JUND: variants seen among roughly 807,000 people sequenced by gnomAD.
JUND encodes the protein JunD proto-oncogene, AP-1 transcription factor subunit, also known as transcription factor JunD.
A neutral mutation model predicts 7.1 loss-of-function variants in JUND; 2 were observed. The observed-to-expected ratio is 0.28, with a 90% CI of 0.11 to 0.88. JUND has a LOEUF of 0.88. Among genes scored for constraint, JUND ranks in the 40% least tolerant of loss-of-function variants. The pLI is 0.60. For synonymous variants in JUND, 335 were observed against 263.2 expected (o/e 1.27, Z -2.64); for missense variants, 479 against 519.1 (o/e 0.92, Z 0.75).
chr19:18,281,119 C>T lies in JUND; in HGVS notation c.366G>A (p.Gln122=). 2 of 1,580,304 alleles carry T rather than the reference C, an allele frequency of 1.3e-6. No homozygotes were observed. The highest frequency in any genetic ancestry group is 2.8e-5 in the African/African-American group (2 of 72,020). The part of the protein sequence containing the change: ...GLVTTTPTSS[Q]FLYPKVAASE... The stretch of plus-strand genomic sequence containing the variant: ...TGGCCGCCACCTTGGGGTAGAGGAA[C>T]TGTGAGCTCGTCGGCGTGGTGGTGA... The change falls in exon 1 of 1, where the codon CAG becomes CAA. Residue 122 remains glutamine, a synonymous_variant. Transcript: ENST00000252818.
chr19:18,280,178 G>C lies in JUND; in HGVS notation c.*263C>G. The stretch of plus-strand genomic sequence containing the variant: ...CGCGCGGGTTTGTGCAACACGGGGC[G>C]GCCGCGCGGGGGAAAGAGGCAGCGC... On this transcript the variant is annotated 3_prime_UTR_variant, in exon 1 of 1. Coordinates refer to ENST00000252818, the MANE Select transcript of JUND (RefSeq NM_005354.6). This position sits in a 1 kb window ranked among gnomAD's most constrained non-coding sequence, Gnocchi z 4.1. 1 of 415,592 alleles carries C rather than the reference G, an allele frequency of 2.4e-6. No individual in the cohort carries two copies. The highest frequency in any genetic ancestry group is 4.3e-6 in the Non-Finnish European group (1 of 231,280). The allele number at this position is 415,592 out of a possible 1,614,324, so 25.7% of individuals were successfully genotyped here. A position where few individuals can be genotyped will look rare whatever the true frequency, so the allele number is the denominator to read the frequency against.
At position 18,281,445 on chromosome 19, in the gene JUND, G is replaced by C. The variant is rs760306821; in HGVS notation, c.40C>G (p.Leu14Val). ...PFYGDEALSG[L>V]GGGASGSGGS... ...CCGCTGCCACTGGCGCCGCCGCCCA[G>C]GCCGCTCAGCGCCTCATCGCCGTAG... The change falls in exon 1 of 1, where the codon CTG becomes GTG. Residue 14 changes from leucine to valine, a missense_variant. Leu to Val is a conservative substitution (Grantham distance 32). Coordinates refer to ENST00000252818, the MANE Select transcript of JUND (RefSeq NM_005354.6). 7.3e-7 allele frequency: 1 copy of C among 1,371,264 alleles called. No homozygotes were observed. The allele number at this position is 1,371,264 out of a possible 1,614,324, so 84.9% of individuals were successfully genotyped here.
At position 18,280,308 on chromosome 19, in the gene JUND, C is replaced by CT. The variant is rs1969917503; in HGVS notation, c.*132dup. 2.2e-6 allele frequency: 2 copies of CT among 917,254 alleles called. No individual in the cohort carries two copies. Among genetic ancestry groups the CT allele is most frequent in the South Asian group, 3.5e-5 (2 of 56,526 alleles). The allele number at this position is 917,254 out of a possible 1,614,324, so 56.8% of individuals were successfully genotyped here. A position where few individuals can be genotyped will look rare whatever the true frequency, so the allele number is the denominator to read the frequency against. On this transcript the variant is annotated 3_prime_UTR_variant, in exon 1 of 1. Transcript: ENST00000252818. The surrounding 1 kb of genome is among the most constrained non-coding windows in gnomAD (Gnocchi z 4.1). ...GGAATCCCCGGGGGCCGCGCCCTCT[C>CT]TGAGTTCCTGGGCACACTCGGGGAG...
In JUND at chr19:18,280,278, G is replaced by C. The variant is rs1197172647; in HGVS notation, c.*163C>G. ...TTGTCGAGTCCTGGGCACCCTCGGGGGGGGGGAATCCCCGGGGGCCGCGCC... is the reference window on the plus strand; with the variant it reads ...TTGTCGAGTCCTGGGCACCCTCGGGCGGGGGGAATCCCCGGGGGCCGCGCC... On this transcript the variant is annotated 3_prime_UTR_variant, in exon 1 of 1. Coordinates refer to ENST00000252818, the MANE Select transcript of JUND (RefSeq NM_005354.6). This position sits in a 1 kb window ranked among gnomAD's most constrained non-coding sequence, Gnocchi z 4.1. 1 of 515,666 alleles carries C rather than the reference G, an allele frequency of 1.9e-6. No homozygotes were observed. The highest frequency in any genetic ancestry group is 2.9e-6 in the Non-Finnish European group (1 of 339,696). The allele number at this position is 515,666 out of a possible 1,614,324, so 31.9% of individuals were successfully genotyped here.
At position 18,280,609 on chromosome 19, in the gene JUND, G is replaced by C. The variant is rs751362267; in HGVS notation, c.876C>G (p.Arg292=). Residue 292 remains arginine, a synonymous_variant, in exon 1 of 1, where the codon CGC becomes CGG. Coordinates refer to ENST00000252818, the MANE Select transcript of JUND (RefSeq NM_005354.6). This position sits in a 1 kb window ranked among gnomAD's most constrained non-coding sequence, Gnocchi z 4.1. ...TCACTTTCTCTTCCAGGCGCGAGAT[G>C]CGCTCCAGCTTGCGCTTGCGGCACT... ...ASKCRKRKLE[R]ISRLEEKVKT... The C allele has an allele frequency of 7.4e-6, 12 of 1,612,872 alleles. No homozygotes were observed. The Admixed American group carries it at 1.3e-4, about 18-fold the overall frequency.
chr19:18,281,383 C>T lies in JUND; in HGVS notation c.102G>A (p.Gly34=). The stretch of plus-strand genomic sequence containing the variant: ...TGCCGGCCGCGGCCGTCGGGGGCGC[C>T]CCGGGGAACAAGCGGCCCGGGGACG... ...SFASPGRLFP[G]APPTAAAGSM... The change falls in exon 1 of 1, where the codon GGG becomes GGA. Residue 34 remains glycine (G), a synonymous_variant. Coordinates refer to ENST00000252818, the MANE Select transcript of JUND (RefSeq NM_005354.6). 1.5e-6 allele frequency: 2 copies of T among 1,347,596 alleles called. No homozygotes were observed. Among genetic ancestry groups the T allele is most frequent in the Non-Finnish European group, 1.9e-6 (2 of 1,059,452 alleles). 83.5% of individuals were successfully genotyped at this position (1,347,596 alleles called of 1,614,324 possible). A position where few individuals can be genotyped will look rare whatever the true frequency, so the allele number is the denominator to read the frequency against.
At position 18,281,589 on chromosome 19, in the gene JUND, C is replaced by A. The variant is rs1304694614; in HGVS notation, c.-105G>T. Reference sequence around the variant, plus strand: ...GCCCTGCGCCCGCCCCGGCCGCGGCCGCAGCGCCCGGCCCTCCACTGGCGG... The same window carrying A: ...GCCCTGCGCCCGCCCCGGCCGCGGCAGCAGCGCCCGGCCCTCCACTGGCGG... On this transcript the variant is annotated 5_prime_UTR_variant, in exon 1 of 1. Coordinates refer to ENST00000252818, the MANE Select transcript of JUND (RefSeq NM_005354.6). 2 of 279,186 alleles carry A rather than the reference C, an allele frequency of 7.2e-6. No homozygotes were observed. Among genetic ancestry groups the A allele is most frequent in the Non-Finnish European group, 1.1e-5 (2 of 187,276 alleles). 17.3% of individuals were successfully genotyped at this position (279,186 alleles called of 1,614,324 possible).
chr19:18,281,108 G>T lies in JUND; in HGVS notation c.377C>A (p.Pro126His), dbSNP rs1243956903. The T allele has an allele frequency of 6.3e-7, 1 of 1,581,320 alleles. No individual in the cohort carries two copies. Among genetic ancestry groups the T allele is most frequent in the South Asian group, 1.1e-5 (1 of 87,878 alleles). ...CTGCTCCTCGCTGGCCGCCACCTTG[G>T]GGTAGAGGAACTGTGAGCTCGTCGG... ...TTPTSSQFLY[P>H]KVAASEEQEF... The change falls in exon 1 of 1, where the codon CCC (proline) becomes CAC (histidine). Residue 126 changes from proline to histidine, a missense_variant. Physicochemically the swap from Pro to His is moderately conservative, Grantham distance 77. Coordinates refer to ENST00000252818, the MANE Select transcript of JUND (RefSeq NM_005354.6).
At position 18,279,867 on chromosome 19, in the gene JUND, G is replaced by A. The variant is rs906366997; in HGVS notation, c.*574C>T. The stretch of plus-strand genomic sequence containing the variant: ...AACAAAACAGAACAAAAAAGGGAGG[G>A]GGGACCGGTCGAAAGAACCGAAGGG... On this transcript the variant is annotated 3_prime_UTR_variant, in exon 1 of 1. Transcript: ENST00000252818. 6.5e-6 allele frequency: 1 copy of A among 152,694 alleles called. No individual in the cohort carries two copies. Among genetic ancestry groups the A allele is most frequent in the African/African-American group, 2.4e-5 (1 of 41,066 alleles). 9.5% of individuals were successfully genotyped at this position (152,694 alleles called of 1,614,324 possible). A position where few individuals can be genotyped will look rare whatever the true frequency, so the allele number is the denominator to read the frequency against.
rs1033075586 is a variant in JUND, at chr19:18,280,117, C to G, written c.*324G>C. 3.2e-6 allele frequency: 1 copy of G among 315,182 alleles called. No homozygotes were observed. Among genetic ancestry groups the G allele is most frequent in the Non-Finnish European group, 5.9e-6 (1 of 169,822 alleles). 19.5% of individuals were successfully genotyped at this position (315,182 alleles called of 1,614,324 possible). Reference sequence around the variant, plus strand: ...TTGAGGCTGCGCCCCCTCGGAGCCCCCTTCCGCGGCGCGGTGTACAAAGGG... The same window carrying G: ...TTGAGGCTGCGCCCCCTCGGAGCCCGCTTCCGCGGCGCGGTGTACAAAGGG... On this transcript the variant is annotated 3_prime_UTR_variant, in exon 1 of 1. Coordinates refer to ENST00000252818, the MANE Select transcript of JUND (RefSeq NM_005354.6). The surrounding 1 kb of genome is among the most constrained non-coding windows in gnomAD (Gnocchi z 4.1).
In JUND at chr19:18,281,343, CCTT is replaced by C. The variant is rs1205353887; in HGVS notation, c.139_141del (p.Lys47del). 1.0e-5 allele frequency: 14 copies of C among 1,349,688 alleles called. No homozygotes were observed. Among genetic ancestry groups the C allele is most frequent in the Admixed American group, 4.1e-5 (1 of 24,560 alleles). The allele number at this position is 1,349,688 out of a possible 1,614,324, so 83.6% of individuals were successfully genotyped here. A position where few individuals can be genotyped will look rare whatever the true frequency, so the allele number is the denominator to read the frequency against. ...TCACTCAGGCTCAGCGTCAGCGCGT[CCTT>C]CTTCATCATGCTGCCGGCCGCGGCC... On this transcript the variant is annotated inframe_deletion, in exon 1 of 1. Coordinates refer to ENST00000252818, the MANE Select transcript of JUND (RefSeq NM_005354.6).
rs746865158 is a variant in JUND, at chr19:18,281,093, C to T, written c.392G>A (p.Ser131Asn). The T allele has an allele frequency of 6.3e-7, 1 of 1,579,878 alleles. No individual in the cohort carries two copies. The highest frequency in any genetic ancestry group is 8.6e-7 in the Non-Finnish European group (1 of 1,167,822). ...SQFLYPKVAA[S>N]EEQEFAEGFV... ...GCCCTCGGCGAACTCCTGCTCCTCG[C>T]TGGCCGCCACCTTGGGGTAGAGGAA... The change falls in exon 1 of 1, where the codon AGC becomes AAC. Residue 131 changes from serine (S) to asparagine (N), a missense_variant. Coordinates refer to ENST00000252818, the MANE Select transcript of JUND (RefSeq NM_005354.6).
In JUND at chr19:18,281,547, G is replaced by A; in HGVS notation, c.-63C>T. ...GGCCGCGGCCTCCCGGGGGGCCCGCGCCCCCCCGTCCGCTCGGCCCTGCGC... is the reference window on the plus strand; with the variant it reads ...GGCCGCGGCCTCCCGGGGGGCCCGCACCCCCCCGTCCGCTCGGCCCTGCGC... On this transcript the variant is annotated 5_prime_UTR_variant, in exon 1 of 1. Coordinates refer to ENST00000252818, the MANE Select transcript of JUND (RefSeq NM_005354.6). The A allele has an allele frequency of 2.4e-6, 2 of 840,164 alleles. No homozygotes were observed. The highest frequency in any genetic ancestry group is 1.9e-5 in the African/African-American group (1 of 53,894). The allele number at this position is 840,164 out of a possible 1,614,324, so 52.0% of individuals were successfully genotyped here. A position where few individuals can be genotyped will look rare whatever the true frequency, so the allele number is the denominator to read the frequency against.
rs1462004603 is a variant in JUND, at chr19:18,280,900, C to G, written c.585G>C (p.Ala195=). Residue 195 remains alanine (A), a synonymous_variant, in exon 1 of 1, where the codon GCG becomes GCC. Coordinates refer to ENST00000252818, the MANE Select transcript of JUND (RefSeq NM_005354.6). This position sits in a 1 kb window ranked among gnomAD's most constrained non-coding sequence, Gnocchi z 4.1. ...CGCCGCCCGCGTAGCTGCTCAGGTT[C>G]GCGTAGACAGGCGCTTCGGGCGCGG... ...AAAAPEAPVY[A]NLSSYAGGAG... is the part of the protein sequence containing the mutation. 6 of 1,207,068 alleles carry G rather than the reference C, an allele frequency of 5.0e-6. No homozygotes were observed. In the South Asian group the frequency reaches 1.6e-4, roughly 32 times the overall value. 74.8% of individuals were successfully genotyped at this position (1,207,068 alleles called of 1,614,324 possible). A position where few individuals can be genotyped will look rare whatever the true frequency, so the allele number is the denominator to read the frequency against.
Position 18,280,472 on chromosome 19 carries a change from AGCTGGCAGCC to A in JUND, c.1003_1012del (p.Gly335CysfsTer?). 6.4e-7 allele frequency: 1 copy of A among 1,573,700 alleles called. No individual in the cohort carries two copies. The highest frequency in any genetic ancestry group is 2.4e-5 in the East Asian group (1 of 42,490). ...CGCGGGCACCTGGTGCTGGGGCAGCAGCTGGCAGCCGCTGTTGACGTGGCTGAGGACTTTC... is the reference window on the plus strand; with the variant it reads ...CGCGGGCACCTGGTGCTGGGGCAGCAGCTGTTGACGTGGCTGAGGACTTTC... On this transcript the variant is annotated frameshift_variant, in exon 1 of 1. Coordinates refer to ENST00000252818, the MANE Select transcript of JUND (RefSeq NM_005354.6). LOFTEE classifies it high-confidence loss of function. The surrounding 1 kb of genome is among the most constrained non-coding windows in gnomAD (Gnocchi z 4.1).
In JUND at chr19:18,281,182, G is replaced by A. The variant is rs992429023; in HGVS notation, c.303C>T (p.Pro101=). Residue 101 remains proline (P), a synonymous_variant, in exon 1 of 1, where the codon CCC becomes CCT. Transcript: ENST00000252818. ...PDLGLLKLAS[P]ELERLIIQSN... Reference sequence around the variant, plus strand: ...ACTGGATGATGAGGCGCTCGAGCTCGGGGGAGGCCAGCTTCAGCAGCCCCA... The same window carrying A: ...ACTGGATGATGAGGCGCTCGAGCTCAGGGGAGGCCAGCTTCAGCAGCCCCA... 1.9e-6 allele frequency: 3 copies of A among 1,547,682 alleles called. No individual in the cohort carries two copies. In the African/African-American group the frequency reaches 4.2e-5, roughly 22 times the overall value.
At position 18,281,508 on chromosome 19, in the gene JUND, G is replaced by GCCCGGGGGGGAGTGGCCGCGGCCT. The variant is rs754777630; in HGVS notation, c.-48_-25dup. On this transcript the variant is annotated 5_prime_UTR_variant, in exon 1 of 1. Transcript: ENST00000252818. ...ATCCTCCGCCTCCCCCGCCGCGCCGGCCCGGGGGGGAGTGGCCGCGGCCTC... is the reference window on the plus strand; with the variant it reads ...ATCCTCCGCCTCCCCCGCCGCGCCGGCCCGGGGGGGAGTGGCCGCGGCCTCCCGGGGGGGAGTGGCCGCGGCCTC... The GCCCGGGGGGGAGTGGCCGCGGCCT allele has an allele frequency of 8.1e-7, 1 of 1,230,482 alleles. No individual in the cohort carries two copies. Among genetic ancestry groups the GCCCGGGGGGGAGTGGCCGCGGCCT allele is most frequent in the Non-Finnish European group, 1.0e-6 (1 of 984,928 alleles). 76.2% of individuals were successfully genotyped at this position (1,230,482 alleles called of 1,614,324 possible). A position where few individuals can be genotyped will look rare whatever the true frequency, so the allele number is the denominator to read the frequency against.
Position 18,280,659 on chromosome 19 carries a change from G to A in JUND, c.826C>T (p.Leu276=). The change falls in exon 1 of 1, where the codon CTG becomes TTG. Residue 276 remains leucine, a synonymous_variant. Coordinates refer to ENST00000252818, the MANE Select transcript of JUND (RefSeq NM_005354.6). The surrounding 1 kb of genome is among the most constrained non-coding windows in gnomAD (Gnocchi z 4.1). ...TTGGAGGCGGCGATGCGGTTGCGCA[G>A]CCGCTTGCGCTCCGCCTTGATGCGC... The part of the protein sequence containing the change: ...QERIKAERKR[L]RNRIAASKCR... The A allele has an allele frequency of 6.2e-7, 1 of 1,612,554 alleles. No individual in the cohort carries two copies.
In JUND at chr19:18,280,519, C is replaced by T. The variant is rs1285001898; in HGVS notation, c.966G>A (p.Ala322=). The change falls in exon 1 of 1, where the codon GCG becomes GCA. Residue 322 remains alanine (A), a synonymous_variant. Coordinates refer to ENST00000252818, the MANE Select transcript of JUND (RefSeq NM_005354.6). The surrounding 1 kb of genome is among the most constrained non-coding windows in gnomAD (Gnocchi z 4.1). The part of the protein sequence containing the change: ...STASLLREQV[A]QLKQKVLSHV... ...GGCTGAGGACTTTCTGCTTGAGCTG[C>T]GCCACCTGCTCGCGCAGCAGGCTCG... 1 of 1,609,100 alleles carries T rather than the reference C, an allele frequency of 6.2e-7. No individual in the cohort carries two copies.
Sources: gnomAD v4.1 joint callset for allele counts on GRCh38, gnomAD v4.1.1 for gene constraint, Gnocchi (gnomAD v3.1) non-coding constraint, MANE v1.5 for transcripts, NCBI Gene and HGNC (gene_info 2026-07-23, HGNC 2026-07-21) for gene names.